Variants in KDR observed in about 807,000 individuals in gnomAD.
The protein encoded by KDR is kinase insert domain receptor.
A neutral mutation model predicts 160.9 loss-of-function variants in KDR; 43 were observed. That is an observed-to-expected ratio of 0.27 (90% CI 0.21 to 0.34). KDR has a LOEUF of 0.34. Among genes scored for constraint, KDR ranks in the 10% least tolerant of loss-of-function variants. The pLI is 1.00. For missense variants in KDR, 1,469 were observed against 1,666.4 expected, an observed-to-expected ratio of 0.88 and a Z score of 2.06; for synonymous variants, 617 against 600.1, an observed-to-expected ratio of 1.03 and a Z score of -0.41.
At chr4:55,114,405 C>A in intron 5 of KDR, 140 bp from the exon 6 acceptor site, 1 of 859,292 alleles carries the variant, frequency 1.2e-6, no homozygotes, top group South Asian at 1.5e-5. Flanking sequence ...TACTTGGTAG[C>A]TCCCAGGAAA....
At position 55,121,134 on chromosome 4, in the gene KDR, T is replaced by C; in HGVS notation, c.124A>G (p.Thr42Ala). 6 of 1,613,674 alleles carry C rather than the reference T, an allele frequency of 3.7e-6. No homozygotes were observed. The highest frequency in any genetic ancestry group is 5.1e-6 in the Non-Finnish European group (6 of 1,179,622). ...TGAAGAGTTGTATTAGCCTTAATTG[T>C]AAGTATGTCTTTTTGTATGCTGAGC... ...PRLSIQKDIL[T>A]IKANTTLQIT... Residue 42 changes from threonine (T) to alanine (A), a missense_variant, in exon 2 of 30, where the codon ACA becomes GCA. Thr to Ala is a moderately conservative substitution (Grantham distance 58). This residue lies in a region of KDR where 792 missense variants were observed against 840.9 expected (regional missense o/e 0.94). Transcript: ENST00000263923.
chr4:55,087,856 G>A, intron 26 of KDR, 98 bp from the exon 27 acceptor site: 1 of 1,088,910 alleles, frequency 9.2e-7, no homozygotes, highest in Non-Finnish European at 1.4e-6. Context: ...GGCTACATAG[G>A]GTGTGTGGCT....
At chr4:55,111,601 T>A (rs916618671) in intron 7 of KDR, among the ~76,000 whole-genome samples, 1 of 152,212 alleles carries the variant, frequency 6.6e-6, no homozygotes, top group Non-Finnish European at 1.5e-5. Context: ...GACCTCCTTA[T>A]TTCTGCCCCT....
rs77722107 is a variant in KDR at position 55,104,796 on chromosome 4, A to C, written c.1834T>G (p.Leu612Val). The change falls in exon 13 of 30, where the codon TTG (leucine) becomes GTG (valine). Residue 612 changes from leucine to valine, a missense_variant. Coordinates refer to ENST00000263923, the MANE Select transcript of KDR (RefSeq NM_002253.4). ...CTATTAGAGAACATGGTGGCATTCA[A>C]TTTCCAAAGAGTATCCAAGTTCTTG... ...VCKNLDTLWK[L>V]NATMFSNSTN... 6.2e-7 allele frequency: 1 copy of C among 1,613,950 alleles called. No homozygotes were observed. Among genetic ancestry groups the C allele is most frequent in the Non-Finnish European group, 8.5e-7 (1 of 1,179,902 alleles).
intron 15 of KDR, among the ~76,000 whole-genome samples, chr4:55,099,703 C>T (rs1720261700): frequency 6.6e-6 from 1 of 152,200 alleles, no homozygotes; most frequent in Admixed American, 6.5e-5. Flanking sequence ...ATCTCCTCAA[C>T]AACTCTCAGT....
intron 5 of KDR, 34 bp downstream of exon 5, chr4:55,114,840 T>C (rs910052632): frequency 6.6e-7 from 1 of 1,524,668 alleles, no homozygotes; most frequent in Admixed American, 1.7e-5. Flanking sequence ...CAAGGATATG[T>C]TATTAATGAT....
At position 55,118,642 on chromosome 4, in the gene KDR, T is replaced by C; in HGVS notation, c.320A>G (p.Glu107Gly). ...ATAAATGACCGAGGCCAAGTCAGTT[T>C]CCCGGTAGAAGCACTTGTAGGCTCC... ...DTGAYKCFYR[E>G]TDLASVIYVY... The change falls in exon 3 of 30, where the codon GAA becomes GGA. Residue 107 changes from glutamate to glycine, a missense_variant. Glu to Gly is a moderately conservative substitution (Grantham distance 98). Around this residue, in one of 7 missense-constraint regions of KDR, gnomAD observed 792 missense variants for 840.9 expected, o/e 0.94. Transcript: ENST00000263923. 6.2e-7 allele frequency: 1 copy of C among 1,614,194 alleles called. No homozygotes were observed. Among genetic ancestry groups the C allele is most frequent in the African/African-American group, 1.3e-5 (1 of 75,054 alleles).
intron 6 of KDR, among the ~76,000 whole-genome samples, chr4:55,113,705 G>A (rs2110030563): frequency 6.6e-6 from 1 of 152,338 alleles, no homozygotes; most frequent in Middle Eastern, 3.4e-3. Context: ...CGTGGTGAAA[G>A]TGAGATGGAT....
intron 1 of KDR, among the ~76,000 whole-genome samples, chr4:55,122,599 C>G (rs1046446933): frequency 1.3e-5 from 2 of 152,170 alleles, no homozygotes; most frequent in African/African-American, 4.8e-5. Context: ...TGCACATGTT[C>G]TCACACACCA....
At chr4:55,111,878 AAAGT>A (rs1404849574) in intron 7 of KDR, among the ~76,000 whole-genome samples, 3 of 152,220 alleles carry the variant, frequency 2.0e-5, no homozygotes, top group African/African-American at 7.2e-5. Context: ...ATGAGCTAAT[AAAGT>A]AAGTGCTCAC....
intron 15 of KDR, 84 bp downstream of exon 15, chr4:55,101,813 G>A (rs1413758294): frequency 3.3e-6 from 4 of 1,216,610 alleles, no homozygotes; most frequent in Non-Finnish European, 1.2e-6. Context: ...CCATGCAGCT[G>A]CAAAGGACAT....
rs765896263 is a variant in KDR at position 55,085,678 on chromosome 4, A to G, written c.3662+1929T>C. Among the ~76,000 whole-genome samples, 3 of 152,254 alleles carry G rather than the reference A, an allele frequency of 2.0e-5. No individual in the cohort carries two copies. The East Asian group carries it at 5.8e-4, about 29-fold the overall frequency. On this transcript the variant is annotated intron_variant, in intron 27 of 29. Transcript: ENST00000263923. Reference sequence around the variant, plus strand: ...AGGAGGTGGAGAGGAGATGCAGACAAAAGATTCCAATTTCCATTTTATTTT... The same window carrying G: ...AGGAGGTGGAGAGGAGATGCAGACAGAAGATTCCAATTTCCATTTTATTTT...
At chr4:55,084,342 G>A (rs993534672) in intron 27 of KDR, among the ~76,000 whole-genome samples, 1 of 152,210 alleles carries the variant, frequency 6.6e-6, no homozygotes, top group Non-Finnish European at 1.5e-5. Flanking sequence ...AAGGCAGCTT[G>A]GCTAGAAAAA....
rs891452470 is a variant in KDR, at chr4:55,079,403, C to T, written c.*538G>A. On this transcript the variant is annotated 3_prime_UTR_variant, in exon 30 of 30. Transcript: ENST00000263923. The stretch of plus-strand genomic sequence containing the variant: ...AGAGCAAACACAATGCATTTGCAGG[C>T]TCCAGTACTCTCCAAAGCAAGGTAA... 7 of 267,552 alleles carry T rather than the reference C, an allele frequency of 2.6e-5. No homozygotes were observed. The highest frequency in any genetic ancestry group is 5.1e-5 in the Non-Finnish European group (7 of 137,848). 16.6% of individuals were successfully genotyped at this position (267,552 alleles called of 1,614,324 possible).
intron 27 of KDR, among the ~76,000 whole-genome samples, chr4:55,083,505 T>C (rs1249206769): frequency 6.6e-6 from 1 of 150,582 alleles, no homozygotes; most frequent in Non-Finnish European, 1.5e-5. Flanking sequence ...CCTTCAGGAG[T>C]CCAAAGAATA....
Position 55,090,026 on chromosome 4 carries a change from A to G in KDR, c.3122T>C (p.Val1041Ala). The change falls in exon 23 of 30, where the codon GTG becomes GCG. Residue 1041 changes from valine (V) to alanine (A), a missense_variant. Physicochemically the swap from Val to Ala is moderately conservative, Grantham distance 64. Coordinates refer to ENST00000263923, the MANE Select transcript of KDR (RefSeq NM_002253.4). ...ARNILLSEKNVVKICDFGLAR... is the reference protein window; with the variant it reads ...ARNILLSEKNAVKICDFGLAR... ...CAAGCCAAAGTCACAGATTTTAACC[A>G]CGTTCTTCTCCGATAAGAGGATATT... The G allele has an allele frequency of 6.2e-7, 1 of 1,614,080 alleles. No individual in the cohort carries two copies. The highest frequency in any genetic ancestry group is 1.1e-5 in the South Asian group (1 of 91,080).
Position 55,107,636 on chromosome 4 carries a change from T to C in KDR, c.1412+101A>G, listed in dbSNP as rs916919417. Reference sequence around the variant, plus strand: ...CAGGCTACCTCTTGAGAGAAAACTTTTTTTGGTTTAGGCTTCTCCATTTAG... The same window carrying C: ...CAGGCTACCTCTTGAGAGAAAACTTCTTTTGGTTTAGGCTTCTCCATTTAG... On this transcript the variant is annotated intron_variant, in intron 10 of 29. Transcript: ENST00000263923. 2.0e-6 allele frequency: 3 copies of C among 1,500,906 alleles called. No homozygotes were observed. The African/African-American group carries it at 4.1e-5, about 21-fold the overall frequency. 93.0% of individuals were successfully genotyped at this position (1,500,906 alleles called of 1,614,324 possible).
intron 28 of KDR, 109 bp downstream of exon 28, chr4:55,082,427 G>A: frequency 1.2e-6 from 1 of 820,634 alleles, no homozygotes; most frequent in East Asian, 2.5e-5. Flanking sequence ...ACACTCGAGG[G>A]CAGCCTTCTA....
In KDR at chr4:55,105,842, G is replaced by C; in HGVS notation, c.1635C>G (p.Phe545Leu). The change falls in exon 12 of 30, where the codon TTC becomes TTG. Residue 545 changes from phenylalanine (F) to leucine (L), a missense_variant. This residue lies in a region of KDR where 792 missense variants were observed against 840.9 expected (regional missense o/e 0.94). Transcript: ENST00000263923. ...KVGRGERVIS[F>L]HVTRGPEITL... ...GAGAAGAGTACTTACTGGTCACGTG[G>C]AAGGAGATCACCCTCTCTCCTCTCC... is the stretch of plus-strand genomic sequence containing the variant. 6.3e-7 allele frequency: 1 copy of C among 1,596,442 alleles called. No individual in the cohort carries two copies. Among genetic ancestry groups the C allele is most frequent in the Non-Finnish European group, 8.6e-7 (1 of 1,163,854 alleles).
Sources: gnomAD v4.1 joint callset for allele counts (sites outside exome capture counted in the v4.1 genomes callset) on GRCh38, gnomAD v4.1.1 for gene constraint, gnomAD v4.1.1 regional missense constraint, MANE v1.5 for transcripts, NCBI Gene and HGNC (gene_info 2026-07-23, HGNC 2026-07-21) for gene names.